Variants in MACROH2A1 observed in about 807,000 individuals in gnomAD.
MACROH2A1 encodes the protein core histone macro-H2A.1.
Under a neutral mutation model 31.6 loss-of-function variants are expected in MACROH2A1, and 2 were observed. That is an observed-to-expected ratio of 0.06 (90% CI 0.03 to 0.20). MACROH2A1 has a LOEUF of 0.20. Among genes scored for constraint, MACROH2A1 ranks in the 10% least tolerant of loss-of-function variants. MACROH2A1 has a pLI of 1.00. For missense variants in MACROH2A1, 230 were observed against 474.0 expected (o/e 0.49, Z 4.78); for synonymous variants, 169 against 189.6 (o/e 0.89, Z 0.89).
At chr5:135,395,511 A>G (rs1378324541) in intron 1 of MACROH2A1, among the ~76,000 whole-genome samples, 2 of 152,186 alleles carry the variant, frequency 1.3e-5, no homozygotes, top group East Asian at 3.9e-4. Context: ...ATCCACATGC[A>G]TTTGTCACCT....
At chr5:135,363,602 G>A (rs1763121759) in intron 4 of MACROH2A1, among the ~76,000 whole-genome samples, 1 of 152,140 alleles carries the variant, frequency 6.6e-6, no homozygotes, top group Non-Finnish European at 1.5e-5. Flanking sequence ...GGTTGGTTCC[G>A]AGTCTGCTAT....
intron 6 of MACROH2A1, among the ~76,000 whole-genome samples, chr5:135,348,389 ATC>A (rs1211627607): frequency 1.3e-5 from 2 of 152,264 alleles, no homozygotes; most frequent in African/African-American, 4.8e-5. Flanking sequence ...AGGCATAAGT[ATC>A]AGTGTTCAAA....
intron 2 of MACROH2A1, among the ~76,000 whole-genome samples, chr5:135,385,932 AGCCTAGCACGGT>A (rs1474643103): frequency 1.6e-4 from 25 of 152,320 alleles, no homozygotes; most frequent in African/African-American, 5.5e-4. Context: ...TCTCACACAG[AGCCTAGCACGGT>A]GCCTGGCAGA....
At chr5:135,353,909 G>A (rs1761881287) in intron 5 of MACROH2A1, 1 of 152,244 alleles carries the variant, frequency 6.6e-6, no homozygotes, top group Non-Finnish European at 1.5e-5. Context: ...TGTCAGAGGG[G>A]CAAGGGGAAT....
At chr5:135,337,004 G>A (rs1383555371) in intron 8 of MACROH2A1, among the ~76,000 whole-genome samples, 2 of 152,248 alleles carry the variant, frequency 1.3e-5, no homozygotes, top group Non-Finnish European at 2.9e-5. Flanking sequence ...GTCTGTGGAT[G>A]TGACCTGGAT....
chr5:135,342,237 A>G (rs1393081), intron 8 of MACROH2A1, among the ~76,000 whole-genome samples: 22,629 of 152,168 alleles, frequency 0.15, 3,256 homozygotes, highest in African/African-American at 0.37. Context: ...GCATCATGGG[A>G]CACACTTCTG....
intron 8 of MACROH2A1, among the ~76,000 whole-genome samples, chr5:135,336,883 T>TG (rs989701608): frequency 6.6e-6 from 1 of 152,142 alleles, no homozygotes; most frequent in Non-Finnish European, 1.5e-5. Context: ...CTTCCATTTT[T>TG]GGGGGGCATC....
chr5:135,335,182 C>G, intron 8 of MACROH2A1, 41 bp from the exon 9 acceptor site: 1 of 1,556,924 alleles, frequency 6.4e-7, no homozygotes. Flanking sequence ...TGGGATGCCA[C>G]GGGGGCTGCA....
At chr5:135,383,695 GGTGTGGTGT>G (rs1272941679) in intron 2 of MACROH2A1, among the ~76,000 whole-genome samples, 45 of 146,286 alleles carry the variant, frequency 3.1e-4, no homozygotes, top group African/African-American at 1.1e-3. Context: ...TGTGTGATGT[GGTGTGGTGT>G]GTGTGTGTGT....
chr5:135,360,632 T>C (rs1404123293), intron 4 of MACROH2A1, 25 bp from the exon 5 acceptor site: 1 of 1,514,382 alleles, frequency 6.6e-7, no homozygotes, highest in Non-Finnish European at 9.2e-7. Flanking sequence ...AGGGTCAGAA[T>C]GTGGGCCACA....
At chr5:135,351,241 C>A in intron 6 of MACROH2A1, 1 of 184,016 alleles carries the variant, frequency 5.4e-6, no homozygotes, top group Non-Finnish European at 1.1e-5. Context: ...GCTGGCATCC[C>A]ACTGAGAAGG....
At chr5:135,371,896 A>T (rs1014638128) in intron 2 of MACROH2A1, among the ~76,000 whole-genome samples, 1 of 152,226 alleles carries the variant, frequency 6.6e-6, no homozygotes, top group Non-Finnish European at 1.5e-5. Flanking sequence ...GCTGCATAAA[A>T]ATCGTGTGTT....
intron 5 of MACROH2A1, chr5:135,355,998 A>G (rs1581201014): frequency 6.6e-6 from 1 of 152,240 alleles, no homozygotes; most frequent in Non-Finnish European, 1.5e-5. Context: ...AAAAATTCCC[A>G]AAATTAGTCT....
intron 5 of MACROH2A1, chr5:135,359,836 TC>T: frequency 1.0e-6 from 1 of 960,160 alleles, no homozygotes; most frequent in Non-Finnish European, 1.2e-6. Flanking sequence ...ATTAGTTAAC[TC>T]TCATTCTCAG....
chr5:135,389,783 CT>C (rs1222369771), intron 1 of MACROH2A1, among the ~76,000 whole-genome samples: 4 of 152,208 alleles, frequency 2.6e-5, no homozygotes, highest in Non-Finnish European at 4.4e-5. Context: ...TTGTGGGGCT[CT>C]TTCTCTCCAC....
chr5:135,367,970 T>C (rs1408884402), intron 4 of MACROH2A1, among the ~76,000 whole-genome samples: 1 of 152,214 alleles, frequency 6.6e-6, no homozygotes, highest in African/African-American at 2.4e-5. Context: ...GCGCATTCTG[T>C]GAAATCCCTG....
At position 135,334,761 on chromosome 5, in the gene MACROH2A1, T is replaced by G; in HGVS notation, c.*215A>C. ...AAGTCAGACACGGTCTGGAACACAG[T>G]GCTTAACAACAGTAATGCCAACTAT... On this transcript the variant is annotated 3_prime_UTR_variant, in exon 9 of 9. Transcript: ENST00000511689. 1 of 522,178 alleles carries G rather than the reference T, an allele frequency of 1.9e-6. No individual in the cohort carries two copies. Among genetic ancestry groups the G allele is most frequent in the Non-Finnish European group, 3.4e-6 (1 of 292,038 alleles). 32.3% of individuals were successfully genotyped at this position (522,178 alleles called of 1,614,324 possible).
At chr5:135,377,541 C>T (rs2149889564) in intron 2 of MACROH2A1, among the ~76,000 whole-genome samples, 1 of 152,282 alleles carries the variant, frequency 6.6e-6, no homozygotes, top group Admixed American at 6.5e-5. Flanking sequence ...GTTTCGTGGG[C>T]TGCACTGTGT....
chr5:135,386,695 C>T lies in MACROH2A1; in HGVS notation c.172+2227G>A, dbSNP rs1041654429. Among the ~76,000 whole-genome samples the T allele has an allele frequency of 2.0e-5, 3 of 152,190 alleles. No homozygotes were observed. In the South Asian group the frequency reaches 6.2e-4, roughly 32 times the overall value. ...GGACTGCTGATATCCACCTCAGGAG[C>T]ACTGGGCTCAGATTCAGAACCAGCT... On this transcript the variant is annotated intron_variant, in intron 2 of 8. Coordinates refer to ENST00000511689, the MANE Select transcript of MACROH2A1 (RefSeq NM_138610.3).
Sources: allele counts gnomAD v4.1 joint callset (sites outside exome capture counted in the v4.1 genomes callset), GRCh38; gene constraint gnomAD v4.1.1; transcripts MANE v1.5; gene names NCBI Gene and HGNC (gene_info 2026-07-23, HGNC 2026-07-21).